The following FARP2 variants were observed in gnomAD, a reference collection of about 807,000 sequenced individuals.
The protein encoded by FARP2 is FERM, ARH/RhoGEF and pleckstrin domain protein 2, also known as FERM, ARHGEF and pleckstrin domain-containing protein 2.
FARP2 carries 111 observed loss-of-function variants against 130.5 expected under a neutral mutation model. The observed-to-expected ratio is 0.85, with a 90% CI of 0.73 to 1.00. FARP2 has a LOEUF of 1.00. Ranked by LOEUF, FARP2 falls within the 50% of genes least tolerant of loss-of-function variation. FARP2 has a pLI of 0.00. For missense variants in FARP2, 1,385 were observed against 1,346.3 expected, an observed-to-expected ratio of 1.03 and a Z score of -0.45; for synonymous variants, 504 against 516.9, an observed-to-expected ratio of 0.98 and a Z score of 0.34.
intron 2 of FARP2, among the ~76,000 whole-genome samples, chr2:241,378,405 A>G (rs13412771): frequency 1.9e-5 from 2 of 106,988 alleles, no homozygotes; most frequent in African/African-American, 6.9e-5. Context: ...GCCAGCCACC[A>G]TGCCTGGCCT....
intron 1 of FARP2, among the ~76,000 whole-genome samples, chr2:241,365,805 G>T (rs770665423): frequency 6.6e-6 from 1 of 151,768 alleles, no homozygotes; most frequent in Non-Finnish European, 1.5e-5. Flanking sequence ...GGGTTTTTAG[G>T]ACTTGCTTTT....
intron 2 of FARP2, among the ~76,000 whole-genome samples, chr2:241,398,196 G>A (rs935140416): frequency 1.3e-5 from 2 of 152,026 alleles, no homozygotes; most frequent in East Asian, 1.9e-4. Flanking sequence ...TGTGTCTTAT[G>A]TGTGCAGCTT....
At chr2:241,415,006 C>G (rs1265516718) in intron 7 of FARP2, among the ~76,000 whole-genome samples, 2 of 152,208 alleles carry the variant, frequency 1.3e-5, no homozygotes, top group East Asian at 1.9e-4. Context: ...ACGGACAGCT[C>G]TTACGAGCAT....
intron 12 of FARP2, among the ~76,000 whole-genome samples, chr2:241,437,978 T>C (rs966499659): frequency 1.3e-5 from 2 of 152,126 alleles, no homozygotes; most frequent in African/African-American, 2.4e-5. Flanking sequence ...TGGCTGATTT[T>C]TGTGTTTTTT....
intron 2 of FARP2, among the ~76,000 whole-genome samples, chr2:241,378,364 C>A (rs550415952): frequency 1.3e-5 from 2 of 151,254 alleles, no homozygotes. Flanking sequence ...GCCTCCCCCC[C>A]TCGGCCTCCC....
intron 22 of FARP2, 45 bp from the exon 23 acceptor site, chr2:241,491,016 C>A: frequency 6.8e-7 from 1 of 1,480,928 alleles, no homozygotes; most frequent in South Asian, 1.1e-5. Context: ...TGGGGCCCTA[C>A]ACAAGGAAGA....
At chr2:241,450,096 A>T (rs2063611519) in intron 13 of FARP2, among the ~76,000 whole-genome samples, 1 of 152,108 alleles carries the variant, frequency 6.6e-6, no homozygotes. Flanking sequence ...TTTGGCCAGG[A>T]ATCAGAGCAC....
rs1406196823 is a variant in FARP2, at chr2:241,463,885, T to A, written c.1812-14T>A. ...TTCACCATGTTTAGGATGACTTTGT[T>A]TCTTTTTACTCAGGGAAGGGCCCTC... On this transcript the variant is annotated splice_polypyrimidine_tract_variant and intron_variant, in intron 16 of 26. Coordinates refer to ENST00000264042, the MANE Select transcript of FARP2 (RefSeq NM_014808.4). 1.9e-6 allele frequency: 3 copies of A among 1,611,344 alleles called. No homozygotes were observed. In the African/African-American group the frequency reaches 4.0e-5, roughly 22 times the overall value.
At chr2:241,478,490 C>A in intron 19 of FARP2, 1 of 306,852 alleles carries the variant, frequency 3.3e-6, no homozygotes, top group East Asian at 9.2e-5. Flanking sequence ...GATGCTGTGC[C>A]AGGACCTGAA....
At chr2:241,385,088 G>A (rs2061753571) in intron 2 of FARP2, among the ~76,000 whole-genome samples, 1 of 152,074 alleles carries the variant, frequency 6.6e-6, no homozygotes, top group Non-Finnish European at 1.5e-5. Flanking sequence ...ACCATCTTGC[G>A]AGTCTTTCAT....
chr2:241,493,189 C>T (rs953274440), intron 25 of FARP2, 104 bp from the exon 26 acceptor site: 3 of 1,367,962 alleles, frequency 2.2e-6, no homozygotes, highest in South Asian at 2.5e-5. Flanking sequence ...GCTCCCTTGG[C>T]CCGTGGGCAT....
chr2:241,469,488 A>T, intron 18 of FARP2, among the ~76,000 whole-genome samples: 1 of 152,220 alleles, frequency 6.6e-6, no homozygotes. Context: ...ATAAATAAGG[A>T]TGCTTTCTGA....
intron 8 of FARP2, among the ~76,000 whole-genome samples, chr2:241,422,111 C>G (rs2062823118): frequency 6.6e-6 from 1 of 151,850 alleles, no homozygotes; most frequent in South Asian, 2.1e-4. Context: ...CACCACTGCA[C>G]TCCACCCTGG....
chr2:241,464,872 G>A (rs2064128018), intron 17 of FARP2, among the ~76,000 whole-genome samples: 1 of 151,936 alleles, frequency 6.6e-6, no homozygotes, highest in Admixed American at 6.6e-5. Flanking sequence ...CTGGCTCAGG[G>A]CAATGTCCAG....
At chr2:241,361,337 T>A (rs1421506048) in intron 1 of FARP2, among the ~76,000 whole-genome samples, 3 of 152,184 alleles carry the variant, frequency 2.0e-5, no homozygotes, top group African/African-American at 7.2e-5. Flanking sequence ...CGCATTGAGA[T>A]TGCTGGTAAT....
At chr2:241,473,649 T>C (rs925719353) in intron 18 of FARP2, among the ~76,000 whole-genome samples, 3 of 152,102 alleles carry the variant, frequency 2.0e-5, no homozygotes, top group African/African-American at 7.2e-5. Flanking sequence ...GCACTGGTGC[T>C]CTTTGAGTGG....
At chr2:241,396,494 TCAAA>T (rs1250035130) in intron 2 of FARP2, among the ~76,000 whole-genome samples, 10 of 151,582 alleles carry the variant, frequency 6.6e-5, no homozygotes, top group African/African-American at 9.7e-5. Flanking sequence ...ACAAGAAAAA[TCAAA>T]CAACCCCATC....
In FARP2 at chr2:241,463,463, A is replaced by ACTCTGGTAAGC; in HGVS notation, c.1811+4_1811+5insGCCTCTGGTAA. Reference sequence around the variant, plus strand: ...TGCGCGAGGTGGAGCAGAGGCTGGCACTCTGGTAACACCCCTTCAGCCCCC... The same window carrying ACTCTGGTAAGC: ...TGCGCGAGGTGGAGCAGAGGCTGGCACTCTGGTAAGCCTCTGGTAACACCCCTTCAGCCCCC... On this transcript the variant is annotated stop_gained and frameshift_variant, in exon 16 of 27. Coordinates refer to ENST00000264042, the MANE Select transcript of FARP2 (RefSeq NM_014808.4). LOFTEE classifies it high-confidence loss of function. 6.2e-7 allele frequency: 1 copy of ACTCTGGTAAGC among 1,613,402 alleles called. No homozygotes were observed. The highest frequency in any genetic ancestry group is 2.2e-5 in the East Asian group (1 of 44,864).
intron 13 of FARP2, 67 bp from the exon 14 acceptor site, chr2:241,456,680 C>A: frequency 1.3e-6 from 2 of 1,518,906 alleles, no homozygotes; most frequent in Non-Finnish European, 1.8e-6. Flanking sequence ...AGAGTAGTAG[C>A]GGCTCTAAGC....
Sources: gnomAD v4.1 joint callset for allele counts (sites outside exome capture counted in the v4.1 genomes callset) on GRCh38, gnomAD v4.1.1 for gene constraint, MANE v1.5 for transcripts, NCBI Gene and HGNC (gene_info 2026-07-23, HGNC 2026-07-21) for gene names.